Variants in GLRX3 observed in about 807,000 individuals in gnomAD.
GLRX3 encodes the protein glutaredoxin-3.
A neutral mutation model predicts 49.5 loss-of-function variants in GLRX3; 22 were observed. The ratio of observed to expected loss-of-function variants is 0.44; its 90% confidence interval spans 0.32 to 0.63. The LOEUF is 0.63. GLRX3 is among the 30% of genes least tolerant of loss of function. The probability of loss-of-function intolerance (pLI) is 0.05; values close to 1 mark genes in which losing one functional copy is unlikely to be tolerated. For missense variants in GLRX3, 385 were observed against 396.3 expected (o/e 0.97, Z 0.24); for synonymous variants, 133 against 140.0 (o/e 0.95, Z 0.35).
intron 8 of GLRX3, among the ~76,000 whole-genome samples, chr10:130,173,769 C>CT (rs1473811375): frequency 6.6e-6 from 1 of 152,066 alleles, no homozygotes; most frequent in East Asian, 1.9e-4. Flanking sequence ...ACATTGGGGT[C>CT]TTTTTTTGTT....
chr10:130,175,356 G>T (rs1281918039), intron 10 of GLRX3, among the ~76,000 whole-genome samples: 1 of 152,084 alleles, frequency 6.6e-6, no homozygotes. Flanking sequence ...TGTCACTCAG[G>T]GTCCTTGTTA....
intron 1 of GLRX3, among the ~76,000 whole-genome samples, chr10:130,137,780 G>T (rs1483835951): frequency 6.6e-6 from 1 of 152,172 alleles, no homozygotes; most frequent in Non-Finnish European, 1.5e-5. Context: ...TGTCACCCAG[G>T]CTGCAGTGTA....
chr10:130,148,019 C>CA (rs891935000), intron 2 of GLRX3, among the ~76,000 whole-genome samples: 3 of 151,068 alleles, frequency 2.0e-5, no homozygotes, highest in Non-Finnish European at 4.4e-5. Context: ...TACCATGTCT[C>CA]AAAAAAAAGG....
At chr10:130,176,357 TG>T (rs1212227917) in intron 10 of GLRX3, among the ~76,000 whole-genome samples, 44 of 152,264 alleles carry the variant, frequency 2.9e-4, no homozygotes, top group Non-Finnish European at 1.5e-5. Context: ...TGACCCCAGG[TG>T]ATCCGCCCAC....
At chr10:130,148,460 T>TTTTTTTTA (rs1491404379) in intron 2 of GLRX3, among the ~76,000 whole-genome samples, 1 of 103,524 alleles carries the variant, frequency 9.7e-6, no homozygotes, top group African/African-American at 3.4e-5. Flanking sequence ...TTTTTTTTTT[T>TTTTTTTTA]AATGATGAAA....
chr10:130,157,063 T>C (rs1018613800), intron 2 of GLRX3, among the ~76,000 whole-genome samples: 1 of 152,232 alleles, frequency 6.6e-6, no homozygotes, highest in African/African-American at 2.4e-5. Flanking sequence ...TTACCCAAGT[T>C]ATCTCCTGTG....
chr10:130,179,214 G>T, intron 10 of GLRX3, 128 bp from the exon 11 acceptor site: 1 of 571,924 alleles, frequency 1.7e-6, no homozygotes, highest in South Asian at 2.4e-5. Context: ...AGTGTTAAGA[G>T]ACTGGAGTTT....
intron 7 of GLRX3, 62 bp downstream of exon 7, chr10:130,169,552 G>A: frequency 9.6e-7 from 1 of 1,043,392 alleles, no homozygotes. Flanking sequence ...TGCAACAAGG[G>A]GACAGTTAAA....
chr10:130,175,233 C>T (rs549701866), intron 10 of GLRX3, 144 bp downstream of exon 10: 2 of 648,992 alleles, frequency 3.1e-6, no homozygotes, highest in African/African-American at 1.8e-5. Context: ...CCAGTATCAC[C>T]GTTTCTGTGT....
Position 130,136,512 on chromosome 10 carries a change from A to G in GLRX3, c.92A>G (p.Lys31Arg), listed in dbSNP as rs1051345244. 4 of 1,261,846 alleles carry G rather than the reference A, an allele frequency of 3.2e-6. No homozygotes were observed. In the African/African-American group the frequency reaches 4.6e-5, roughly 15 times the overall value. 78.2% of individuals were successfully genotyped at this position (1,261,846 alleles called of 1,614,324 possible). ...GAGGAGCTGCTGCGCCTCAAAGCCA[A>G]GTAAGCGGGGCGGCGAGCGGTAGGA... The part of the protein sequence containing the change: ...QFEELLRLKA[K>R]SLLVVHFWAP... The change falls in exon 1 of 11, where the codon AAG (lysine) becomes AGG (arginine). Residue 31 changes from lysine (K) to arginine (R), a missense_variant and splice_region_variant. Lys to Arg is a conservative substitution (Grantham distance 26). Transcript: ENST00000331244.
intron 6 of GLRX3, 148 bp downstream of exon 6, chr10:130,167,128 A>G (rs7078860): frequency 0.093 from 45,861 of 493,526 alleles, 2,491 homozygotes; most frequent in Middle Eastern, 0.15. Context: ...TTAGCCATTC[A>G]AACTTTGGCA....
intron 1 of GLRX3, among the ~76,000 whole-genome samples, chr10:130,139,688 C>G (rs1236573150): frequency 6.7e-6 from 1 of 150,186 alleles, no homozygotes; most frequent in Non-Finnish European, 1.5e-5. Context: ...CTTACACCAG[C>G]AAACCCAGCA....
At chr10:130,171,703 C>T (rs1000107260) in intron 8 of GLRX3, 67 bp downstream of exon 8, 10 of 876,210 alleles carry the variant, frequency 1.1e-5, no homozygotes, top group Admixed American at 7.0e-5. Context: ...TAGTGGCTCA[C>T]GTCTATAATC....
intron 2 of GLRX3, among the ~76,000 whole-genome samples, chr10:130,146,063 G>A (rs972046943): frequency 1.3e-5 from 2 of 152,140 alleles, no homozygotes; most frequent in Non-Finnish European, 2.9e-5. Flanking sequence ...AAAGTACTGT[G>A]ATTAGGCGTG....
intron 3 of GLRX3, 77 bp from the exon 4 acceptor site, chr10:130,160,719 C>T: frequency 1.2e-6 from 1 of 829,332 alleles, no homozygotes; most frequent in South Asian, 1.4e-5. Context: ...ATACTGTTGT[C>T]CCCTTTAAAA....
intron 1 of GLRX3, among the ~76,000 whole-genome samples, chr10:130,138,694 G>A (rs1216851823): frequency 6.6e-6 from 1 of 152,042 alleles, no homozygotes; most frequent in Non-Finnish European, 1.5e-5. Context: ...CACCAGAAGT[G>A]GCCTCTTGAA....
intron 1 of GLRX3, among the ~76,000 whole-genome samples, chr10:130,143,918 C>T (rs1215288720): frequency 1.3e-5 from 2 of 152,084 alleles, no homozygotes; most frequent in East Asian, 3.9e-4. Context: ...AGGCTGGTCT[C>T]GAACTGCCGA....
chr10:130,177,288 T>G (rs764505474), intron 10 of GLRX3, among the ~76,000 whole-genome samples: 6 of 152,214 alleles, frequency 3.9e-5, no homozygotes, highest in Non-Finnish European at 8.8e-5. Flanking sequence ...TTATTGCCTC[T>G]GAAGAGTAAA....
intron 8 of GLRX3, among the ~76,000 whole-genome samples, chr10:130,172,799 G>A (rs533145462): frequency 5.9e-5 from 9 of 152,154 alleles, no homozygotes; most frequent in African/African-American, 2.2e-4. Flanking sequence ...AAAATTAGCC[G>A]GGTGCGGTGG....
Sources: allele counts gnomAD v4.1 joint callset (sites outside exome capture counted in the v4.1 genomes callset), GRCh38; gene constraint gnomAD v4.1.1; transcripts MANE v1.5; gene names NCBI Gene and HGNC (gene_info 2026-07-23, HGNC 2026-07-21).